Variants in OLAH observed in about 807,000 individuals in gnomAD.
The protein encoded by OLAH is oleoyl-ACP hydrolase.
In OLAH, 33 loss-of-function variants were observed where a neutral mutation model predicts 27.8. That is an observed-to-expected ratio of 1.19 (90% confidence interval 0.90 to 1.59). The LOEUF (loss-of-function observed/expected upper bound fraction) is 1.59, where lower values mean the gene tolerates loss of function less well. OLAH is among the 40% of genes most tolerant of loss of function. The probability of loss-of-function intolerance (pLI) is 0.00; values close to 1 mark genes in which losing one functional copy is unlikely to be tolerated. For synonymous variants in OLAH, 120 were observed against 102.9 expected (o/e 1.17, Z -1.01); for missense variants, 359 against 310.8 (o/e 1.16, Z -1.17).
upstream of OLAH, among the ~76,000 whole-genome samples, chr10:15,043,281 G>A (rs746325094): frequency 3.9e-5 from 6 of 152,004 alleles, no homozygotes; most frequent in African/African-American, 1.2e-4. Flanking sequence ...TTGAAAACAC[G>A]AAAAGTCTTA....
chr10:15,073,229 G>C lies in OLAH; in HGVS notation c.798G>C (p.Ter266TyrextTer9). Residue 266 changes from the stop codon to tyrosine (Y), a stop_lost, in exon 8 of 8, where the codon TAG becomes TAC. Coordinates refer to ENST00000378228, the MANE Select transcript of OLAH (RefSeq NM_001039702.3). ...CLEVSSISNF[*>Y] Reference sequence around the variant, plus strand: ...AAGTATCATCGATATCCAATTTTTAGATATTTTCCCTTTCACTTTTAAAAT... The same window carrying C: ...AAGTATCATCGATATCCAATTTTTACATATTTTCCCTTTCACTTTTAAAAT... The C allele has an allele frequency of 6.4e-7, 1 of 1,559,762 alleles. No individual in the cohort carries two copies. The highest frequency in any genetic ancestry group is 8.8e-7 in the Non-Finnish European group (1 of 1,140,482).
In OLAH at chr10:15,047,171, A is replaced by G. The variant is rs1168621198; in HGVS notation, c.-118A>G. 3.4e-6 allele frequency: 3 copies of G among 884,144 alleles called. No homozygotes were observed. Among genetic ancestry groups the G allele is most frequent in the Non-Finnish European group, 1.7e-6 (1 of 586,852 alleles). 54.8% of individuals were successfully genotyped at this position (884,144 alleles called of 1,614,324 possible). ...AGTCAGCGCCTTTAAAAAGAAATCT[A>G]CTCACTCTTCTGTGTGCATAAGGCC... On this transcript the variant is annotated 5_prime_UTR_variant, in exon 2 of 8. Transcript: ENST00000378228.
chr10:15,069,621 C>T (rs960241522), intron 6 of OLAH, among the ~76,000 whole-genome samples: 1 of 152,192 alleles, frequency 6.6e-6, no homozygotes, highest in Admixed American at 6.5e-5. Context: ...AATCCCAGCA[C>T]CTTCAGAGGC....
intron 3 of OLAH, among the ~76,000 whole-genome samples, chr10:15,058,939 T>TCTCCTTCCCTTCCCTCC (rs1564531420): frequency 1.3e-4 from 9 of 67,966 alleles, no homozygotes; most frequent in East Asian, 9.2e-4. Context: ...TCCTTCCCTC[T>TCTCCTTCCCTTCCCTCC]CTCCTTCCCT....
At chr10:15,048,142 A>G (rs2131343306) in intron 2 of OLAH, among the ~76,000 whole-genome samples, 1 of 152,338 alleles carries the variant, frequency 6.6e-6, no homozygotes, top group Non-Finnish European at 1.5e-5. Context: ...ACTTTTTCAA[A>G]AAGAACTTTT....
intron 3 of OLAH, among the ~76,000 whole-genome samples, chr10:15,052,750 AC>A (rs1326019121): frequency 9.8e-6 from 1 of 102,500 alleles, no homozygotes; most frequent in Non-Finnish European, 1.8e-5. Context: ...TTTTTTGGTG[AC>A]AGAGTCTCAC....
intron 3 of OLAH, among the ~76,000 whole-genome samples, chr10:15,061,097 C>T (rs1844353335): frequency 6.6e-6 from 1 of 152,092 alleles, no homozygotes; most frequent in South Asian, 2.1e-4. Context: ...ATGTTACCTG[C>T]ACTCCAGTCT....
intron 1 of OLAH, among the ~76,000 whole-genome samples, chr10:15,044,680 C>T (rs1335312059): frequency 6.6e-6 from 1 of 151,948 alleles, no homozygotes; most frequent in Non-Finnish European, 1.5e-5. Context: ...TTTATGTTGC[C>T]CTGTTTCCTA....
rs368404492 is a variant in OLAH at position 15,049,578 on chromosome 10, G to A, written c.33-57G>A. On this transcript the variant is annotated intron_variant, in intron 2 of 7. Coordinates refer to ENST00000378228, the MANE Select transcript of OLAH (RefSeq NM_001039702.3). ...TTTCCATTAAAACACAGGTAATTCAGTATAGGGAACTTAATTGATATACAT... is the reference window on the plus strand; with the variant it reads ...TTTCCATTAAAACACAGGTAATTCAATATAGGGAACTTAATTGATATACAT... 5.5e-5 allele frequency: 62 copies of A among 1,118,700 alleles called. No individual in the cohort carries two copies. In the African/African-American group the frequency reaches 9.6e-4, roughly 17 times the overall value. The allele number at this position is 1,118,700 out of a possible 1,614,324, so 69.3% of individuals were successfully genotyped here. A position where few individuals can be genotyped will look rare whatever the true frequency, so the allele number is the denominator to read the frequency against.
At chr10:15,039,094 TG>T (rs1401259154), upstream of OLAH, among the ~76,000 whole-genome samples, 1 of 151,536 alleles carries the variant, frequency 6.6e-6, no homozygotes, top group Non-Finnish European at 1.5e-5. Flanking sequence ...GGTGTGGTGG[TG>T]TGCACCTCTA....
At chr10:15,036,536 T>C (rs775907370) in intron 1 of OLAH, among the ~76,000 whole-genome samples, 4 of 152,152 alleles carry the variant, frequency 2.6e-5, no homozygotes, top group Non-Finnish European at 5.9e-5. Flanking sequence ...TTGCCCATGC[T>C]GGAGTGCAGT....
intron 3 of OLAH, among the ~76,000 whole-genome samples, chr10:15,052,827 C>T (rs1440415048): frequency 6.6e-6 from 1 of 151,186 alleles, no homozygotes; most frequent in Non-Finnish European, 1.5e-5. Flanking sequence ...ACTGCAGCCT[C>T]TGCCTCCCGG....
intron 3 of OLAH, among the ~76,000 whole-genome samples, chr10:15,059,932 G>T (rs1844330082): frequency 6.6e-6 from 1 of 152,150 alleles, no homozygotes; most frequent in South Asian, 2.1e-4. Flanking sequence ...ACAAGCCTTG[G>T]TGTGGTTTTC....
Position 15,061,179 on chromosome 10 carries a change from CT to C in OLAH, c.164-540del, listed in dbSNP as rs1844355080. Among the ~76,000 whole-genome samples the C allele has an allele frequency of 2.0e-5, 3 of 152,120 alleles. No homozygotes were observed. In the South Asian group the frequency reaches 6.2e-4, roughly 32 times the overall value. ...TTGTTTAAAAAAATCTAAGGGCAGA[CT>C]TTTTCCCCCATCCAGAGCCAAGGCA... On this transcript the variant is annotated intron_variant, in intron 3 of 7. Coordinates refer to ENST00000378228, the MANE Select transcript of OLAH (RefSeq NM_001039702.3).
chr10:15,066,719 CA>C (rs1844476341), intron 6 of OLAH, among the ~76,000 whole-genome samples: 1 of 151,982 alleles, frequency 6.6e-6, no homozygotes, highest in African/African-American at 2.4e-5. Flanking sequence ...TGGCTCACTG[CA>C]ACCTCCGTCT....
At chr10:15,045,497 G>T (rs1843998139) in intron 1 of OLAH, among the ~76,000 whole-genome samples, 1 of 152,138 alleles carries the variant, frequency 6.6e-6, no homozygotes, top group Admixed American at 6.6e-5. Context: ...AGTCATTCAG[G>T]TGATTTTTTT....
chr10:15,069,195 C>T (rs374056723), intron 6 of OLAH, among the ~76,000 whole-genome samples: 1 of 152,232 alleles, frequency 6.6e-6, no homozygotes, highest in Non-Finnish European at 1.5e-5. Flanking sequence ...CCTGCTCCTT[C>T]TCTCTTGCAA....
intron 1 of OLAH, among the ~76,000 whole-genome samples, chr10:15,035,998 G>A (rs1329768870): frequency 1.3e-5 from 2 of 152,244 alleles, no homozygotes; most frequent in East Asian, 3.9e-4. Context: ...GGGGCTGAGT[G>A]ATTCTAGATG....
chr10:15,053,195 T>A (rs1322736862), intron 3 of OLAH, among the ~76,000 whole-genome samples: 1 of 152,038 alleles, frequency 6.6e-6, no homozygotes, highest in Non-Finnish European at 1.5e-5. Context: ...GAGAGGCCCC[T>A]CCACCCCCAG....
Sources: allele counts gnomAD v4.1 joint callset (sites outside exome capture counted in the v4.1 genomes callset), GRCh38; gene constraint gnomAD v4.1.1; transcripts MANE v1.5; gene names NCBI Gene and HGNC (gene_info 2026-07-23, HGNC 2026-07-21).